Variants in DLGAP2 observed in about 807,000 individuals in gnomAD.
DLGAP2 encodes the protein DLG associated protein 2.
Under a neutral mutation model 100.3 loss-of-function variants are expected in DLGAP2, and 26 were observed. The ratio of observed to expected loss-of-function variants is 0.26; its 90% CI spans 0.19 to 0.36. The LOEUF is 0.36. DLGAP2 is among the 10% of genes least tolerant of loss of function. DLGAP2 has a pLI of 1.00. For synonymous variants in DLGAP2, 886 were observed against 630.1 expected (o/e 1.41, Z -6.08); for missense variants, 1,858 against 1,453.2 (o/e 1.28, Z -4.53).
intron 3 of DLGAP2, among the ~76,000 whole-genome samples, chr8:1,332,183 A>G (rs1563088078): frequency 1.3e-5 from 2 of 151,970 alleles, no homozygotes; most frequent in East Asian, 1.9e-4. Context: ...ATGTGAGCGT[A>G]TTTGCGTTTA....
chr8:1,218,087 G>A (rs1051647433), intron 2 of DLGAP2, among the ~76,000 whole-genome samples: 1 of 152,138 alleles, frequency 6.6e-6, no homozygotes, highest in Non-Finnish European at 1.5e-5. Context: ...CTATGCAGAA[G>A]CTCTTTAATT....
At chr8:857,867 A>G (rs1426891043) in intron 1 of DLGAP2, among the ~76,000 whole-genome samples, 4 of 133,848 alleles carry the variant, frequency 3.0e-5, no homozygotes, top group African/African-American at 1.1e-4. Context: ...AAAAACTTGC[A>G]CATGATTTTT....
At chr8:1,610,256 A>G (rs934384720) in intron 6 of DLGAP2, among the ~76,000 whole-genome samples, 8 of 152,262 alleles carry the variant, frequency 5.3e-5, no homozygotes, top group East Asian at 1.9e-4. Flanking sequence ...GCTCAACTAC[A>G]TGGAAACTAA....
intron 3 of DLGAP2, among the ~76,000 whole-genome samples, chr8:1,413,245 G>A (rs1051713311): frequency 6.6e-6 from 1 of 152,076 alleles, no homozygotes; most frequent in African/African-American, 2.4e-5. Context: ...TTTATTTATA[G>A]TATTTTTAAA....
At chr8:1,530,728 T>C (rs888134132) in intron 4 of DLGAP2, among the ~76,000 whole-genome samples, 1 of 152,244 alleles carries the variant, frequency 6.6e-6, no homozygotes, top group Admixed American at 6.5e-5. Flanking sequence ...ACAATCCACG[T>C]TCTTCTGCCA....
intron 2 of DLGAP2, 145 bp downstream of exon 2, chr8:908,111 T>C: frequency 2.5e-6 from 1 of 393,234 alleles, no homozygotes; most frequent in Non-Finnish European, 4.5e-6. Context: ...TAACTAACTG[T>C]AAGACCTGAA....
In DLGAP2 at chr8:1,509,112, C is replaced by T. The variant is rs1049310980; in HGVS notation, c.172+7681C>T. 4.6e-5 allele frequency among the ~76,000 whole-genome samples: 7 copies of T among 152,050 alleles called. No individual in the cohort carries two copies. The East Asian group carries it at 1.4e-3, about 29-fold the overall frequency. On this transcript the variant is annotated intron_variant, in intron 4 of 14. Transcript: ENST00000637795. ...CTTTGGGAGGCCGAGGCGGGCGGAT[C>T]ACGAGGTCAGGAGATCGAGACCATC...
At chr8:1,213,075 T>C (rs532632983) in intron 2 of DLGAP2, among the ~76,000 whole-genome samples, 1 of 152,250 alleles carries the variant, frequency 6.6e-6, no homozygotes, top group African/African-American at 2.4e-5. Flanking sequence ...GTATCCAGCA[T>C]CTTAGCAAAC....
At chr8:1,352,088 G>T (rs1462422203) in intron 3 of DLGAP2, among the ~76,000 whole-genome samples, 5 of 83,506 alleles carry the variant, frequency 6.0e-5, no homozygotes, top group African/African-American at 2.0e-4. Context: ...CTGACTGTGT[G>T]TGGAAAGGCC....
At chr8:1,283,148 G>A (rs79098024) in intron 3 of DLGAP2, among the ~76,000 whole-genome samples, 6 of 129,926 alleles carry the variant, frequency 4.6e-5, no homozygotes, top group East Asian at 2.5e-4. Context: ...AACCCAGCAC[G>A]TGAACCATCT....
Position 863,765 on chromosome 8 carries a change from C to T in DLGAP2, c.19-44147C>T, listed in dbSNP as rs367846948. Among the ~76,000 whole-genome samples, 4 of 152,250 alleles carry T rather than the reference C, an allele frequency of 2.6e-5. No homozygotes were observed. The East Asian group carries it at 5.8e-4, about 22-fold the overall frequency. On this transcript the variant is annotated intron_variant, in intron 1 of 14. Transcript: ENST00000637795. ...ATGTGGAGGGAGGGGAACTCTTACA[C>T]GCTGTTGATGGAAATGTAAATTAGT...
chr8:1,174,582 C>T lies in DLGAP2; in HGVS notation c.74-84269C>T, dbSNP rs557017603. 1.3e-3 allele frequency among the ~76,000 whole-genome samples: 204 copies of T among 151,910 alleles called. 8 individuals are homozygous for T. In the South Asian group the frequency reaches 0.038, roughly 28 times the overall value. ...ATTATTACCATCACCACCACCATTA[C>T]CATCATTGTCGTCATCATCATTACA... On this transcript the variant is annotated intron_variant, in intron 2 of 14. Transcript: ENST00000637795.
chr8:1,116,110 G>T (rs986306981), intron 2 of DLGAP2, among the ~76,000 whole-genome samples: 2 of 152,312 alleles, frequency 1.3e-5, no homozygotes, highest in Middle Eastern at 6.8e-3. Flanking sequence ...GGTGTCTGTG[G>T]TTTTGGAGAT....
At chr8:815,124 A>T (rs1469299695) in intron 1 of DLGAP2, among the ~76,000 whole-genome samples, 51 of 152,212 alleles carry the variant, frequency 3.4e-4, no homozygotes, top group Non-Finnish European at 1.5e-5. Context: ...TGCTGCTACA[A>T]CCAAATGCTT....
intron 2 of DLGAP2, among the ~76,000 whole-genome samples, chr8:1,201,520 G>T (rs1797873750): frequency 6.6e-6 from 1 of 152,222 alleles, no homozygotes. Context: ...TCAGCCCAGG[G>T]AGTCCGTTTT....
intron 12 of DLGAP2, among the ~76,000 whole-genome samples, chr8:1,683,522 C>A (rs1314194728): frequency 6.6e-6 from 1 of 151,220 alleles, no homozygotes; most frequent in Non-Finnish European, 1.5e-5. Flanking sequence ...CCTCTGCTGT[C>A]ATTTGAGATT....
At chr8:1,068,459 G>C (rs1803324498) in intron 2 of DLGAP2, among the ~76,000 whole-genome samples, 3 of 152,192 alleles carry the variant, frequency 2.0e-5, no homozygotes, top group Non-Finnish European at 4.4e-5. Flanking sequence ...AGCGGCGCTT[G>C]AGGCTGTCTG....
chr8:1,534,560 A>T (rs1801089283), intron 4 of DLGAP2, among the ~76,000 whole-genome samples: 1 of 152,250 alleles, frequency 6.6e-6, no homozygotes, highest in Non-Finnish European at 1.5e-5. Flanking sequence ...AAAACTCCTT[A>T]TGTTCACCTT....
chr8:1,077,973 C>T (rs78676790), intron 2 of DLGAP2, among the ~76,000 whole-genome samples: 216 of 152,300 alleles, frequency 1.4e-3, no homozygotes, highest in Non-Finnish European at 2.5e-3. Context: ...GTGTCATCCA[C>T]GCCATGTCCT....
Sources: gnomAD v4.1 joint callset for allele counts (sites outside exome capture counted in the v4.1 genomes callset) on GRCh38, gnomAD v4.1.1 for gene constraint, MANE v1.5 for transcripts, NCBI Gene and HGNC (gene_info 2026-07-23, HGNC 2026-07-21) for gene names.